CNNM2: variants seen among roughly 807,000 people sequenced by gnomAD.
CNNM2 encodes cyclin and CBS domain divalent metal cation transport mediator 2.
A neutral mutation model predicts 66.9 loss-of-function variants in CNNM2; 12 were observed. That is an observed-to-expected ratio of 0.18 (90% CI 0.11 to 0.29). CNNM2 has a LOEUF of 0.29. Ranked by LOEUF, CNNM2 falls within the 10% of genes least tolerant of loss-of-function variation. The probability of loss-of-function intolerance (pLI) is 1.00; values close to 1 mark genes in which losing one functional copy is unlikely to be tolerated. For synonymous variants in CNNM2, 557 were observed against 501.8 expected (o/e 1.11, Z -1.47); for missense variants, 705 against 1,167.7 (o/e 0.60, Z 5.77).
At chr10:102,994,580 G>A (rs1046777758) in intron 1 of CNNM2, among the ~76,000 whole-genome samples, 1 of 152,138 alleles carries the variant, frequency 6.6e-6, no homozygotes, top group South Asian at 2.1e-4. Context: ...GCTGCCAGTT[G>A]GGGTTTTAAA....
chr10:102,984,516 A>G (rs2063765533), intron 1 of CNNM2, among the ~76,000 whole-genome samples: 1 of 152,164 alleles, frequency 6.6e-6, no homozygotes, highest in South Asian at 2.1e-4. Context: ...TGTGTATAAG[A>G]TTCTTGCAGG....
chr10:102,954,970 T>G (rs555626417), intron 1 of CNNM2, among the ~76,000 whole-genome samples: 1 of 152,260 alleles, frequency 6.6e-6, no homozygotes, highest in Non-Finnish European at 1.5e-5. Context: ...AATTTATAGA[T>G]TCGATGCCAT....
Position 102,983,475 on chromosome 10 carries a change from C to T in CNNM2, c.1621+63374C>T, listed in dbSNP as rs181794784. On this transcript the variant is annotated intron_variant, in intron 1 of 7. Transcript: ENST00000369878. ...AGGAGATTGAGATCATCCTGGCCAA[C>T]ATGGTGAAACCCTGTCTCTACTAAA... Among the ~76,000 whole-genome samples the T allele has an allele frequency of 6.1e-3, 925 of 151,120 alleles. 10 individuals carry two copies. Among genetic ancestry groups the T allele is most frequent in the Non-Finnish European group, 9.4e-3 (635 of 67,802 alleles).
chr10:103,003,888 G>A (rs1484822961), intron 1 of CNNM2, among the ~76,000 whole-genome samples: 6 of 150,144 alleles, frequency 4.0e-5, no homozygotes, highest in Admixed American at 2.0e-4. Context: ...CATACAAGGT[G>A]TATTCTTCTG....
intron 1 of CNNM2, among the ~76,000 whole-genome samples, chr10:102,980,365 G>T (rs151175181): frequency 1.5e-4 from 22 of 149,322 alleles, no homozygotes; most frequent in African/African-American, 4.9e-4. Flanking sequence ...TCAACTTCCT[G>T]GCTTAGGTGA....
Position 103,089,662 on chromosome 10 carries a change from G to A in CNNM2, c.*12482G>A. On this transcript the variant is annotated 3_prime_UTR_variant, in exon 8 of 8. Coordinates refer to ENST00000369878, the MANE Select transcript of CNNM2 (RefSeq NM_017649.5). The stretch of plus-strand genomic sequence containing the variant: ...TGTTTAATGGGTGCTTGGGGTTTTG[G>A]TTTTCCTCCTTATTCTTCCTCCTCC... 1 of 1,583,514 alleles carries A rather than the reference G, an allele frequency of 6.3e-7. No individual in the cohort carries two copies.
At chr10:103,028,802 CTTTTTCTTTTTCTT>C (rs2064758454) in intron 1 of CNNM2, among the ~76,000 whole-genome samples, 7 of 138,592 alleles carry the variant, frequency 5.1e-5, no homozygotes, top group African/African-American at 8.0e-5. Context: ...TCTTTCTTTT[CTTTTTCTTTTTCTT>C]TTTTTTTTTT....
chr10:102,919,474 A>G lies in CNNM2; in HGVS notation c.994A>G (p.Ile332Val). The G allele has an allele frequency of 6.2e-7, 1 of 1,612,448 alleles. No homozygotes were observed. Among genetic ancestry groups the G allele is most frequent in the Non-Finnish European group, 8.5e-7 (1 of 1,180,024 alleles). Residue 332 changes from isoleucine to valine, a missense_variant, in exon 1 of 8, where the codon ATC becomes GTC. Transcript: ENST00000369878. ...GNVLVNTTLT[I>V]LLDDIAGSGL... ...CGTGCTGGTCAACACCACGCTCACC[A>G]TCCTGCTCGACGACATCGCCGGCTC...
chr10:102,951,229 C>T (rs1846819282), intron 1 of CNNM2, among the ~76,000 whole-genome samples: 1 of 151,466 alleles, frequency 6.6e-6, no homozygotes, highest in East Asian at 1.9e-4. Flanking sequence ...CGGAGTCTCA[C>T]TCTGTCACCC....
At chr10:102,995,154 C>CCTTT (rs2063968135) in intron 1 of CNNM2, among the ~76,000 whole-genome samples, 1 of 110,302 alleles carries the variant, frequency 9.1e-6, no homozygotes. Flanking sequence ...TCCTCCTCCC[C>CCTTT]CTCTTCCTCC....
At chr10:103,055,777 C>G (rs2065284582) in intron 3 of CNNM2, among the ~76,000 whole-genome samples, 1 of 152,190 alleles carries the variant, frequency 6.6e-6, no homozygotes, top group African/African-American at 2.4e-5. Flanking sequence ...TTTGATAATA[C>G]TGTTCCTCAT....
At chr10:103,018,061 G>A (rs2064491543) in intron 1 of CNNM2, among the ~76,000 whole-genome samples, 1 of 151,958 alleles carries the variant, frequency 6.6e-6, no homozygotes, top group Non-Finnish European at 1.5e-5. Flanking sequence ...AGGTTTGGGA[G>A]AGTTTTGAGC....
intron 1 of CNNM2, among the ~76,000 whole-genome samples, chr10:102,948,617 T>C (rs1846707383): frequency 6.6e-6 from 1 of 152,216 alleles, no homozygotes. Flanking sequence ...CCAGGATTTC[T>C]TCTAAGAGCA....
rs1406494795 is a variant in CNNM2, at chr10:103,085,622, G to T, written c.*8442G>T. The T allele has an allele frequency of 6.6e-6, 1 of 152,200 alleles. No individual in the cohort carries two copies. Among genetic ancestry groups the T allele is most frequent in the Non-Finnish European group, 1.5e-5 (1 of 68,030 alleles). 9.4% of individuals were successfully genotyped at this position (152,200 alleles called of 1,614,324 possible). A position where few individuals can be genotyped will look rare whatever the true frequency, so the allele number is the denominator to read the frequency against. ...ACATAGTTGTACCTAGTTATTTTGT[G>T]TGAAGAAACAAAGGGACGAGATTCA... On this transcript the variant is annotated 3_prime_UTR_variant, in exon 8 of 8. Transcript: ENST00000369878.
intron 1 of CNNM2, among the ~76,000 whole-genome samples, chr10:102,965,075 G>A (rs777198398): frequency 2.9e-4 from 44 of 152,258 alleles, no homozygotes; most frequent in Middle Eastern, 3.4e-3. Flanking sequence ...CAGCCTGCCC[G>A]CGCCTTGATC....
chr10:103,033,365 A>G (rs1306039196), intron 1 of CNNM2, among the ~76,000 whole-genome samples: 2 of 151,564 alleles, frequency 1.3e-5, no homozygotes, highest in East Asian at 1.9e-4. Flanking sequence ...ATTTTATTGT[A>G]TTTTTTAGTA....
chr10:103,049,626 G>T, intron 1 of CNNM2, 81 bp from the exon 2 acceptor site: 1 of 1,272,606 alleles, frequency 7.9e-7, no homozygotes, highest in Non-Finnish European at 1.1e-6. Flanking sequence ...TGTGTTTGCT[G>T]GTGTTTTTAC....
chr10:102,970,146 C>T (rs1021983394), intron 1 of CNNM2, among the ~76,000 whole-genome samples: 5 of 152,046 alleles, frequency 3.3e-5, no homozygotes, highest in African/African-American at 7.2e-5. Flanking sequence ...TTTAAATGGT[C>T]GAAAGTAAAA....
intron 1 of CNNM2, among the ~76,000 whole-genome samples, chr10:103,009,674 CAA>C (rs36096913): frequency 6.5e-4 from 38 of 58,608 alleles, no homozygotes; most frequent in African/African-American, 1.5e-3. Flanking sequence ...CCTGAGTCTC[CAA>C]AAAAAAAAAA....
Sources: allele counts gnomAD v4.1 joint callset (sites outside exome capture counted in the v4.1 genomes callset), GRCh38; gene constraint gnomAD v4.1.1; transcripts MANE v1.5; gene names NCBI Gene and HGNC (gene_info 2026-07-23, HGNC 2026-07-21).